SDC3: variants seen among roughly 807,000 people sequenced by gnomAD.
SDC3 encodes syndecan 3.
Under a neutral mutation model 24.4 loss-of-function variants are expected in SDC3, and 13 were observed. That is an observed-to-expected ratio of 0.53 (90% CI 0.35 to 0.85). SDC3 has a LOEUF of 0.85. SDC3 is among the 40% of genes least tolerant of loss of function. The pLI, the probability that SDC3 is intolerant of heterozygous loss-of-function variation, is 0.01. For synonymous variants in SDC3, 295 were observed against 260.9 expected (o/e 1.13, Z -1.26); for missense variants, 571 against 584.5 (o/e 0.98, Z 0.24).
chr1:30,881,186 C>T (rs577090677), intron 1 of SDC3, among the ~76,000 whole-genome samples: 54 of 152,038 alleles, frequency 3.6e-4, no homozygotes, highest in African/African-American at 1.2e-3. Context: ...ATAGGCAATA[C>T]AGCCCAGCCC....
chr1:30,899,404 G>A (rs759079393), intron 1 of SDC3, among the ~76,000 whole-genome samples: 4 of 150,502 alleles, frequency 2.7e-5, no homozygotes, highest in Admixed American at 6.6e-5. Context: ...TGAGACAGTC[G>A]CGCTCTGTCA....
At chr1:30,907,313 T>G (rs376074763) in intron 1 of SDC3, among the ~76,000 whole-genome samples, 41 of 152,240 alleles carry the variant, frequency 2.7e-4, no homozygotes, top group African/African-American at 9.6e-4. Flanking sequence ...GATGAGGTCC[T>G]TCCTTTCTCT....
intron 1 of SDC3, among the ~76,000 whole-genome samples, chr1:30,896,179 T>G (rs1208598565): frequency 1.3e-5 from 2 of 152,038 alleles, no homozygotes; most frequent in African/African-American, 4.8e-5. Flanking sequence ...TGAAACAGAT[T>G]GAGGACGTGT....
intron 1 of SDC3, among the ~76,000 whole-genome samples, chr1:30,891,850 CAAAAA>C (rs11433428): frequency 8.4e-6 from 1 of 118,826 alleles, no homozygotes; most frequent in African/African-American, 3.3e-5. Flanking sequence ...GAGACGCCGT[CAAAAA>C]AAAAAAAAAA....
At chr1:30,877,245 C>T (rs765670221) in intron 2 of SDC3, 80 bp from the exon 3 acceptor site, 9 of 1,571,514 alleles carry the variant, frequency 5.7e-6, no homozygotes, top group East Asian at 2.3e-5. Context: ...AAGCAATGGC[C>T]ATCAAGATTA....
chr1:30,902,375 C>T (rs1192467065), intron 1 of SDC3, among the ~76,000 whole-genome samples: 5 of 152,292 alleles, frequency 3.3e-5, no homozygotes, highest in Middle Eastern at 3.4e-3. Flanking sequence ...CCCCTCTGGC[C>T]ATGGCGGGAG....
intron 3 of SDC3, among the ~76,000 whole-genome samples, chr1:30,874,801 C>G (rs1639611334): frequency 6.6e-6 from 1 of 152,226 alleles, no homozygotes; most frequent in Non-Finnish European, 1.5e-5. Context: ...GGACACACAG[C>G]TAGTAAGTGG....
Position 30,877,104 on chromosome 1 carries a change from C to A in SDC3, c.318G>T (p.Ala106=), listed in dbSNP as rs373189918. The change falls in exon 3 of 5, where the codon GCG becomes GCT. Residue 106 remains alanine (A), a synonymous_variant. Transcript: ENST00000339394. ...GCAGCACCGCAGGTGTGGTGGACAC[C>A]GCCAGGGCTACATCTGGGCTGAAGC... ...AMRFSPDVAL[A]VSTTPAVLPT... 8.7e-6 allele frequency: 14 copies of A among 1,613,714 alleles called. No individual in the cohort carries two copies. The highest frequency in any genetic ancestry group is 1.2e-5 in the Non-Finnish European group (14 of 1,179,954).
At chr1:30,898,000 G>A (rs72882096) in intron 1 of SDC3, among the ~76,000 whole-genome samples, 2,104 of 152,218 alleles carry the variant, frequency 0.014, 63 homozygotes, top group African/African-American at 0.048. Flanking sequence ...CAAATGCCTT[G>A]GTTTGGACTC....
chr1:30,902,073 A>G (rs1245685723), intron 1 of SDC3, among the ~76,000 whole-genome samples: 2 of 152,086 alleles, frequency 1.3e-5, no homozygotes, highest in Non-Finnish European at 2.9e-5. Flanking sequence ...CAGGCTTGGG[A>G]CACCCCAAAA....
intron 1 of SDC3, among the ~76,000 whole-genome samples, chr1:30,891,414 C>T (rs186282729): frequency 8.5e-5 from 13 of 152,342 alleles, no homozygotes; most frequent in African/African-American, 2.9e-4. Context: ...CCTGTCTGTC[C>T]TGGGCTAGGC....
chr1:30,896,419 C>A (rs993686607), intron 1 of SDC3, among the ~76,000 whole-genome samples: 1 of 151,978 alleles, frequency 6.6e-6, no homozygotes, highest in Non-Finnish European at 1.5e-5. Flanking sequence ...GTAGAAGAGG[C>A]ACCTAGGAAC....
chr1:30,903,663 G>C (rs1557527475), intron 1 of SDC3, among the ~76,000 whole-genome samples: 1 of 152,056 alleles, frequency 6.6e-6, no homozygotes, highest in East Asian at 1.9e-4. Flanking sequence ...AAAGATATGG[G>C]ACCAACCCCC....
intron 1 of SDC3, among the ~76,000 whole-genome samples, chr1:30,889,606 A>C (rs940450194): frequency 1.3e-5 from 2 of 152,206 alleles, no homozygotes; most frequent in East Asian, 3.8e-4. Flanking sequence ...CCAGCTCTGC[A>C]GTGGGCCTTC....
chr1:30,905,356 A>AACACACACACACAC (rs74721441), intron 1 of SDC3, among the ~76,000 whole-genome samples: 16 of 77,304 alleles, frequency 2.1e-4, no homozygotes, highest in Admixed American at 9.6e-4. Flanking sequence ...CTCTCTCACA[A>AACACACACACACAC]ACACACACAC....
chr1:30,899,444 G>A (rs12138772), intron 1 of SDC3, among the ~76,000 whole-genome samples: 1,554 of 152,056 alleles, frequency 0.01, 11 homozygotes, highest in Non-Finnish European at 0.018. Context: ...ATGCGATCTC[G>A]GCTCACTGCA....
At chr1:30,893,170 G>A (rs1382173185) in intron 1 of SDC3, among the ~76,000 whole-genome samples, 1 of 152,102 alleles carries the variant, frequency 6.6e-6, no homozygotes, top group Non-Finnish European at 1.5e-5. Context: ...TGCAGGGTCA[G>A]GGGAATCGGC....
At chr1:30,874,239 C>T in intron 4 of SDC3, 58 bp downstream of exon 4, 1 of 1,423,020 alleles carries the variant, frequency 7.0e-7, no homozygotes, top group Non-Finnish European at 9.5e-7. Context: ...GAGGCCCAGC[C>T]AGCTGTCTCA....
At chr1:30,890,403 A>G (rs1303448462) in intron 1 of SDC3, among the ~76,000 whole-genome samples, 2 of 152,248 alleles carry the variant, frequency 1.3e-5, no homozygotes, top group African/African-American at 2.4e-5. Context: ...AAGACCACAT[A>G]TTATATTATT....
Sources: allele counts gnomAD v4.1 joint callset (sites outside exome capture counted in the v4.1 genomes callset), GRCh38; gene constraint gnomAD v4.1.1; transcripts MANE v1.5; gene names NCBI Gene and HGNC (gene_info 2026-07-23, HGNC 2026-07-21).